R3HCC1L: variants seen among roughly 807,000 people sequenced by gnomAD.
R3HCC1L encodes the protein coiled-coil domain-containing protein R3HCC1L.
A neutral mutation model predicts 59.9 loss-of-function variants in R3HCC1L; 51 were observed. The ratio of observed to expected loss-of-function variants is 0.85; its 90% CI spans 0.68 to 1.07. The LOEUF (loss-of-function observed/expected upper bound fraction) is 1.07, where lower values mean the gene tolerates loss of function less well. Among genes scored for constraint, R3HCC1L ranks in the 50% least tolerant of loss-of-function variants. The probability of loss-of-function intolerance (pLI) is 0.00; values close to 1 mark genes in which losing one functional copy is unlikely to be tolerated. For synonymous variants in R3HCC1L, 322 were observed against 315.2 expected (o/e 1.02, Z -0.23); for missense variants, 965 against 933.0 (o/e 1.03, Z -0.45).
intron 4 of R3HCC1L, among the ~76,000 whole-genome samples, chr10:98,194,658 A>G (rs1209721986): frequency 6.6e-6 from 1 of 152,134 alleles, no homozygotes; most frequent in Non-Finnish European, 1.5e-5. Context: ...AATGAGCAGA[A>G]CCCAAATAAA....
chr10:98,228,215 C>G (rs1208775847), intron 5 of R3HCC1L, among the ~76,000 whole-genome samples: 1 of 152,196 alleles, frequency 6.6e-6, no homozygotes, highest in African/African-American at 2.4e-5. Context: ...TAAAAGTGTT[C>G]CTGTTTCTCC....
chr10:98,190,343 T>C (rs938837355), intron 4 of R3HCC1L, among the ~76,000 whole-genome samples: 1 of 152,146 alleles, frequency 6.6e-6, no homozygotes, highest in Admixed American at 6.5e-5. Context: ...TTTTATTATT[T>C]TATTATTCTA....
chr10:98,225,877 G>A (rs904361323), intron 5 of R3HCC1L, among the ~76,000 whole-genome samples: 17 of 151,968 alleles, frequency 1.1e-4, no homozygotes, highest in African/African-American at 4.1e-4. Context: ...TCTTGGCTCG[G>A]TAACCCAGGT....
intron 4 of R3HCC1L, among the ~76,000 whole-genome samples, chr10:98,183,419 C>T (rs1462811505): frequency 6.7e-6 from 1 of 149,106 alleles, no homozygotes; most frequent in Non-Finnish European, 1.5e-5. Context: ...TATAATGTGT[C>T]TAATTGTGGA....
chr10:98,151,219 T>C (rs978669852), intron 1 of R3HCC1L, among the ~76,000 whole-genome samples: 1 of 152,222 alleles, frequency 6.6e-6, no homozygotes, highest in African/African-American at 2.4e-5. Flanking sequence ...ATTTTGGAAC[T>C]GGAAGAATGT....
At chr10:98,151,495 A>T (rs1412599165) in intron 1 of R3HCC1L, among the ~76,000 whole-genome samples, 1 of 152,212 alleles carries the variant, frequency 6.6e-6, no homozygotes, top group Non-Finnish European at 1.5e-5. Flanking sequence ...CGCAACTACT[A>T]TTATTGTTTC....
At chr10:98,135,579 T>G (rs889728444) in intron 1 of R3HCC1L, among the ~76,000 whole-genome samples, 1 of 152,188 alleles carries the variant, frequency 6.6e-6, no homozygotes, top group East Asian at 1.9e-4. Context: ...GAAGATCAAA[T>G]TAGTTAATAA....
In R3HCC1L at chr10:98,209,830, C is replaced by T. The variant is rs143613731; in HGVS notation, c.1716C>T (p.Ala572=). 4 of 1,613,786 alleles carry T rather than the reference C, an allele frequency of 2.5e-6. No homozygotes were observed. The Admixed American group carries it at 6.7e-5, about 27-fold the overall frequency. Residue 572 remains alanine (A), a synonymous_variant, in exon 5 of 10, where the codon GCC becomes GCT. Transcript: ENST00000298999. ...CTTCTCACACAGAGGGAATTACTGC[C>T]ATTGAGGAGAGCTGGGAGTCTATGT... ...TETSHTEGIT[A]IEESWESMFN... is the part of the protein sequence containing the mutation.
intron 9 of R3HCC1L, among the ~76,000 whole-genome samples, chr10:98,238,503 A>G (rs538049700): frequency 8.5e-5 from 13 of 152,328 alleles, no homozygotes; most frequent in African/African-American, 2.9e-4. Flanking sequence ...AAGGACAGGA[A>G]GGAAACTCCA....
At chr10:98,192,084 C>G (rs1011908835) in intron 4 of R3HCC1L, among the ~76,000 whole-genome samples, 5 of 152,098 alleles carry the variant, frequency 3.3e-5, no homozygotes, top group Non-Finnish European at 7.4e-5. Flanking sequence ...CTCAGCCTCC[C>G]AAAGTGCTGG....
At chr10:98,182,431 C>G (rs1382534762) in intron 4 of R3HCC1L, among the ~76,000 whole-genome samples, 1 of 152,150 alleles carries the variant, frequency 6.6e-6, no homozygotes, top group Non-Finnish European at 1.5e-5. Context: ...GGGCACCTGG[C>G]TATATGAGGT....
intron 5 of R3HCC1L, among the ~76,000 whole-genome samples, chr10:98,225,486 G>T (rs1310699908): frequency 6.6e-6 from 1 of 152,150 alleles, no homozygotes; most frequent in African/African-American, 2.4e-5. Context: ...AAAAAAAAAT[G>T]TGTTACTGGG....
At chr10:98,175,155 A>G (rs929132408) in intron 4 of R3HCC1L, among the ~76,000 whole-genome samples, 9 of 152,200 alleles carry the variant, frequency 5.9e-5, no homozygotes, top group African/African-American at 2.2e-4. Context: ...TCAAGATTTA[A>G]GAAAGAAACC....
intron 5 of R3HCC1L, among the ~76,000 whole-genome samples, chr10:98,211,881 G>A (rs191106719): frequency 3.2e-4 from 49 of 152,236 alleles, no homozygotes; most frequent in African/African-American, 1.2e-3. Flanking sequence ...GTGTTTAGGT[G>A]TAAGATAATT....
intron 4 of R3HCC1L, among the ~76,000 whole-genome samples, chr10:98,184,355 T>C (rs1454045975): frequency 6.6e-6 from 1 of 152,202 alleles, no homozygotes; most frequent in African/African-American, 2.4e-5. Flanking sequence ...CCTAAGATTA[T>C]AATACCATAT....
chr10:98,170,717 A>G (rs1307872312), intron 4 of R3HCC1L, among the ~76,000 whole-genome samples: 1 of 152,230 alleles, frequency 6.6e-6, no homozygotes, highest in Non-Finnish European at 1.5e-5. Context: ...GGTGAAGTCC[A>G]GTCATTGAAG....
At chr10:98,213,120 T>G (rs1853776437) in intron 5 of R3HCC1L, among the ~76,000 whole-genome samples, 1 of 152,124 alleles carries the variant, frequency 6.6e-6, no homozygotes, top group Non-Finnish European at 1.5e-5. Flanking sequence ...AAGGAAAAAT[T>G]TATAATCCAG....
intron 4 of R3HCC1L, among the ~76,000 whole-genome samples, chr10:98,188,553 A>T (rs371294355): frequency 9.8e-5 from 15 of 152,290 alleles, no homozygotes; most frequent in East Asian, 5.8e-4. Context: ...AAACTTCCTT[A>T]TCAGCTTTGT....
rs548753802 is a variant in R3HCC1L at position 98,202,625 on chromosome 10, G to A, written c.-14-5476G>A. ...TCCCAGCACTTTGGGAGCCTGAGGC[G>A]GGCGGAACACAAGGTCAGGAGTTTG... On this transcript the variant is annotated intron_variant, in intron 4 of 9. Coordinates refer to ENST00000298999, the MANE Select transcript of R3HCC1L (RefSeq NM_001351015.2). Among the ~76,000 whole-genome samples, 19 of 152,222 alleles carry A rather than the reference G, an allele frequency of 1.2e-4. No homozygotes were observed. In the East Asian group the frequency reaches 3.1e-3, roughly 25 times the overall value.
Sources: allele counts gnomAD v4.1 joint callset (sites outside exome capture counted in the v4.1 genomes callset), GRCh38; gene constraint gnomAD v4.1.1; transcripts MANE v1.5; gene names NCBI Gene and HGNC (gene_info 2026-07-23, HGNC 2026-07-21).